MCM9: variants seen among roughly 807,000 people sequenced by gnomAD.
MCM9 encodes the protein DNA helicase MCM9.
MCM9 carries 55 observed loss-of-function variants against 72.8 expected under a neutral mutation model. That is an observed-to-expected ratio of 0.76 (90% confidence interval 0.61 to 0.95). The LOEUF (loss-of-function observed/expected upper bound fraction) is 0.95. MCM9 is among the 40% of genes least tolerant of loss of function. The pLI is 0.00. For synonymous variants in MCM9, 480 were observed against 503.4 expected (o/e 0.95, Z 0.62); for missense variants, 1,279 against 1,377.0 (o/e 0.93, Z 1.13).
intron 8 of MCM9, among the ~76,000 whole-genome samples, chr6:118,892,345 G>A (rs1183521242): frequency 1.3e-5 from 2 of 152,168 alleles, no homozygotes; most frequent in Non-Finnish European, 2.9e-5. Flanking sequence ...TGGCATTCAG[G>A]TAGATCTTCT....
At chr6:118,930,303 G>A (rs1381597841) in intron 3 of MCM9, among the ~76,000 whole-genome samples, 4 of 151,930 alleles carry the variant, frequency 2.6e-5, no homozygotes, top group Non-Finnish European at 1.5e-5. Flanking sequence ...TTGTAGAGAC[G>A]GGGTTTCACC....
At chr6:118,849,367 T>A (rs1266135998) in intron 9 of MCM9, among the ~76,000 whole-genome samples, 1 of 151,592 alleles carries the variant, frequency 6.6e-6, no homozygotes, top group South Asian at 2.1e-4. Context: ...CTAAAATGCA[T>A]CAAACAAACA....
intron 8 of MCM9, chr6:118,900,673 G>A (rs868833690): frequency 1.7e-5 from 15 of 879,876 alleles, no homozygotes; most frequent in Middle Eastern, 4.4e-4. Context: ...TTTAAAGCCA[G>A]TAAGTGGCTA....
At chr6:118,831,556 G>A (rs1281970776) in intron 9 of MCM9, among the ~76,000 whole-genome samples, 1 of 151,974 alleles carries the variant, frequency 6.6e-6, no homozygotes, top group Non-Finnish European at 1.5e-5. Flanking sequence ...GGTGGTCTCT[G>A]GGCATTTGAA....
intron 2 of MCM9, 137 bp from the exon 3 acceptor site, chr6:118,931,875 T>C: frequency 1.5e-6 from 1 of 679,482 alleles, no homozygotes; most frequent in Non-Finnish European, 2.4e-6. Flanking sequence ...ATTCAAATCT[T>C]AATGAAATCT....
Position 118,814,306 on chromosome 6 carries a change from A to C in MCM9, c.*518T>G, listed in dbSNP as rs1431338877. On this transcript the variant is annotated 3_prime_UTR_variant, in exon 14 of 14. Coordinates refer to ENST00000619706, the MANE Select transcript of MCM9 (RefSeq NM_017696.3). ...CCTGATCCACACAAATCAATACAAA[A>C]ATAATACTAGAAAAATAGTCTGATT... 2.0e-5 allele frequency: 3 copies of C among 152,204 alleles called. No homozygotes were observed. Among genetic ancestry groups the C allele is most frequent in the African/African-American group, 7.2e-5 (3 of 41,420 alleles). 9.4% of individuals were successfully genotyped at this position (152,204 alleles called of 1,614,324 possible). A position where few individuals can be genotyped will look rare whatever the true frequency, so the allele number is the denominator to read the frequency against.
intron 8 of MCM9, among the ~76,000 whole-genome samples, chr6:118,856,942 G>A (rs893154444): frequency 2.0e-5 from 3 of 152,152 alleles, no homozygotes; most frequent in African/African-American, 7.2e-5. Context: ...ATTTTAAAGA[G>A]AAGGGCATAA....
intron 8 of MCM9, among the ~76,000 whole-genome samples, chr6:118,891,189 G>A (rs756714895): frequency 5.3e-5 from 8 of 152,028 alleles, no homozygotes; most frequent in Non-Finnish European, 1.2e-4. Flanking sequence ...ATGCCCAGTG[G>A]TATATACTTC....
intron 8 of MCM9, among the ~76,000 whole-genome samples, chr6:118,880,533 G>C (rs1299253297): frequency 6.6e-6 from 1 of 152,148 alleles, no homozygotes; most frequent in Non-Finnish European, 1.5e-5. Flanking sequence ...TGTGGCAAAG[G>C]TAATTAAAAA....
intron 8 of MCM9, among the ~76,000 whole-genome samples, chr6:118,873,272 G>C (rs950967239): frequency 6.7e-6 from 1 of 150,124 alleles, no homozygotes; most frequent in Non-Finnish European, 1.5e-5. Context: ...AAAAGAGGAA[G>C]AAAAGAAAAG....
chr6:118,851,566 T>C (rs1776226724), intron 9 of MCM9, among the ~76,000 whole-genome samples: 1 of 151,828 alleles, frequency 6.6e-6, no homozygotes, highest in African/African-American at 2.4e-5. Context: ...CAATAATAAC[T>C]AGAGGAGAAC....
rs183182594 is a variant in MCM9 at position 118,848,163 on chromosome 6, T to C, written c.1325+8208A>G. On this transcript the variant is annotated intron_variant, in intron 9 of 13. Coordinates refer to ENST00000619706, the MANE Select transcript of MCM9 (RefSeq NM_017696.3). ...ACCAAAGCAAAAGAAAGCATAAAAGTGGAAGAATAGTAAGTAAATGCTATT... is the reference window on the plus strand; with the variant it reads ...ACCAAAGCAAAAGAAAGCATAAAAGCGGAAGAATAGTAAGTAAATGCTATT... 6.3e-4 allele frequency among the ~76,000 whole-genome samples: 96 copies of C among 151,744 alleles called. 1 individual carries two copies. The highest frequency in any genetic ancestry group is 7.2e-4 in the Non-Finnish European group (49 of 68,000).
intron 8 of MCM9, chr6:118,905,970 T>A: frequency 1.7e-6 from 1 of 582,060 alleles, no homozygotes; most frequent in Non-Finnish European, 2.9e-6. Context: ...GCAAACTAAT[T>A]ATTGTTCCAT....
chr6:118,856,330 A>T (rs1776550226), intron 9 of MCM9, 41 bp downstream of exon 9: 4 of 1,505,062 alleles, frequency 2.7e-6, no homozygotes, highest in Non-Finnish European at 3.5e-6. Context: ...GCATATATTA[A>T]ATAATCTCAT....
chr6:118,911,557 T>C lies in MCM9; in HGVS notation c.1150+93A>G, dbSNP rs7767880. 2.0e-3 allele frequency: 2,923 copies of C among 1,437,042 alleles called. 50 individuals carry two copies. In the African/African-American group the frequency reaches 0.036, roughly 18 times the overall value. 89.0% of individuals were successfully genotyped at this position (1,437,042 alleles called of 1,614,324 possible). A position where few individuals can be genotyped will look rare whatever the true frequency, so the allele number is the denominator to read the frequency against. On this transcript the variant is annotated intron_variant, in intron 8 of 13. Transcript: ENST00000619706. ...TGGTAACTCAAAAATTAGCTTGAAA[T>C]TTATCCTATTATAGGTAGTTTTTCA...
In MCM9 at chr6:118,820,902, T is replaced by C. The variant is rs189762770; in HGVS notation, c.1962-4608A>G. On this transcript the variant is annotated intron_variant, in intron 13 of 13. Transcript: ENST00000619706. ...TACCCTTCTTTGTCTTTTTTGATCT[T>C]TGTTGGTTTAAAGTCTGTTTCATCA... Among the ~76,000 whole-genome samples, 204 of 152,330 alleles carry C rather than the reference T, an allele frequency of 1.3e-3. 1 individual carries two copies. The highest frequency in any genetic ancestry group is 2.6e-3 in the Non-Finnish European group (174 of 68,038).
chr6:118,883,878 T>C (rs1193894905), intron 8 of MCM9, among the ~76,000 whole-genome samples: 1 of 152,024 alleles, frequency 6.6e-6, no homozygotes, highest in African/African-American at 2.4e-5. Context: ...GGGTGATAAC[T>C]CAAATTGAAA....
intron 8 of MCM9, among the ~76,000 whole-genome samples, chr6:118,881,389 C>A (rs979465075): frequency 3.9e-5 from 6 of 152,086 alleles, no homozygotes; most frequent in Non-Finnish European, 8.8e-5. Context: ...ACACACCCTT[C>A]CAAAAAACAG....
intron 9 of MCM9, among the ~76,000 whole-genome samples, chr6:118,840,954 T>G (rs189921559): frequency 6.6e-6 from 1 of 152,194 alleles, no homozygotes; most frequent in East Asian, 1.9e-4. Context: ...AGGCTGGTCT[T>G]GAACTCCTAG....
Sources: gnomAD v4.1 joint callset for allele counts (sites outside exome capture counted in the v4.1 genomes callset) on GRCh38, gnomAD v4.1.1 for gene constraint, MANE v1.5 for transcripts, NCBI Gene and HGNC (gene_info 2026-07-23, HGNC 2026-07-21) for gene names.